EBF2: variants seen among roughly 807,000 people sequenced by gnomAD.
EBF2 encodes transcription factor COE2.
A neutral mutation model predicts 72.8 loss-of-function variants in EBF2; 21 were observed. The observed-to-expected ratio is 0.29, with a 90% CI of 0.20 to 0.42. The LOEUF is 0.42. Among genes scored for constraint, EBF2 ranks in the 10% least tolerant of loss-of-function variants. EBF2 has a pLI of 1.00. For missense variants in EBF2, 637 were observed against 731.2 expected, an observed-to-expected ratio of 0.87 and a Z score of 1.49; for synonymous variants, 299 against 274.2, an observed-to-expected ratio of 1.09 and a Z score of -0.89.
intron 10 of EBF2, among the ~76,000 whole-genome samples, chr8:25,878,883 C>A (rs1680625365): frequency 6.6e-6 from 1 of 152,166 alleles, no homozygotes; most frequent in Non-Finnish European, 1.5e-5. Context: ...CTGGAAGAAG[C>A]ACCACCAACT....
rs544154372 is a variant in EBF2 at position 25,971,420 on chromosome 8, C to T, written c.551+61665G>A. On this transcript the variant is annotated intron_variant, in intron 6 of 15. Transcript: ENST00000520164. ...GGTGGCAGCGGGAACAAGAGGGAAA[C>T]ACTACAGTGTGACTGGATTCCAGAC... Among the ~76,000 whole-genome samples, 11 of 152,244 alleles carry T rather than the reference C, an allele frequency of 7.2e-5. No individual in the cohort carries two copies. In the South Asian group the frequency reaches 2.3e-3, roughly 32 times the overall value.
intron 6 of EBF2, among the ~76,000 whole-genome samples, chr8:25,938,056 T>G (rs1218437761): frequency 6.6e-6 from 1 of 152,088 alleles, no homozygotes; most frequent in Admixed American, 6.6e-5. Context: ...GATTCAGAAT[T>G]CGGAATAGTT....
chr8:25,904,688 C>T (rs2117309342), intron 7 of EBF2, among the ~76,000 whole-genome samples: 1 of 152,256 alleles, frequency 6.6e-6, no homozygotes, highest in Middle Eastern at 3.4e-3. Flanking sequence ...ACTGTCCTAC[C>T]ACCATGAGTA....
chr8:25,850,129 T>C (rs1275249101), intron 15 of EBF2, among the ~76,000 whole-genome samples: 2 of 152,214 alleles, frequency 1.3e-5, no homozygotes, highest in African/African-American at 4.8e-5. Flanking sequence ...GATTATTTTT[T>C]GAGATGGAGT....
intron 6 of EBF2, among the ~76,000 whole-genome samples, chr8:25,992,358 GC>G (rs1428354365): frequency 3.5e-5 from 3 of 85,614 alleles, no homozygotes; most frequent in Non-Finnish European, 7.8e-5. Flanking sequence ...AAAAAAAAAA[GC>G]AAAAGGCAGT....
chr8:25,944,495 G>A (rs1224032310), intron 6 of EBF2, among the ~76,000 whole-genome samples: 1 of 151,406 alleles, frequency 6.6e-6, no homozygotes, highest in Non-Finnish European at 1.5e-5. Flanking sequence ...CTACATGGTA[G>A]GCATTCAAAT....
chr8:25,920,939 T>C (rs1289281694), intron 6 of EBF2, among the ~76,000 whole-genome samples: 1 of 152,018 alleles, frequency 6.6e-6, no homozygotes, highest in Non-Finnish European at 1.5e-5. Flanking sequence ...AGCAGTAAAT[T>C]GGGAAGAAGG....
chr8:25,982,492 A>T lies in EBF2; in HGVS notation c.551+50593T>A, dbSNP rs1413434853. 2.6e-5 allele frequency among the ~76,000 whole-genome samples: 4 copies of T among 152,326 alleles called. No homozygotes were observed. In the South Asian group the frequency reaches 8.3e-4, roughly 32 times the overall value. On this transcript the variant is annotated intron_variant, in intron 6 of 15. Transcript: ENST00000520164. ...AAAAAGTAAGTGGTCATGGGGAGTG[A>T]AAGGTGAAACTCAGATCATTCCCAG...
intron 6 of EBF2, among the ~76,000 whole-genome samples, chr8:25,943,311 C>CAAAAAAAAAAAAAAAAAAA (rs71551840): frequency 1.7e-5 from 1 of 59,156 alleles, no homozygotes; most frequent in Non-Finnish European, 4.1e-5. Context: ...TGTCTCTACA[C>CAAAAAAAAAAAAAAAAAAA]AAAAAAAAAA....
At chr8:25,972,567 A>T (rs1437232299) in intron 6 of EBF2, among the ~76,000 whole-genome samples, 14 of 152,194 alleles carry the variant, frequency 9.2e-5, no homozygotes. Flanking sequence ...ATAGACTGTC[A>T]GAGCAAAAAA....
chr8:25,926,863 A>G (rs1183222142), intron 6 of EBF2, among the ~76,000 whole-genome samples: 1 of 152,212 alleles, frequency 6.6e-6, no homozygotes, highest in Non-Finnish European at 1.5e-5. Context: ...AGGATCTCCA[A>G]CAGATCAGAT....
intron 5 of EBF2, among the ~76,000 whole-genome samples, chr8:26,039,342 C>A (rs1805561537): frequency 6.6e-6 from 1 of 152,158 alleles, no homozygotes; most frequent in Non-Finnish European, 1.5e-5. Flanking sequence ...GTAGACTGAA[C>A]CTTTCACGAC....
chr8:25,961,423 G>A (rs1489517880), intron 6 of EBF2, among the ~76,000 whole-genome samples: 1 of 152,136 alleles, frequency 6.6e-6, no homozygotes, highest in Non-Finnish European at 1.5e-5. Flanking sequence ...GAGTGCAGTG[G>A]CGCGATCTTG....
intron 6 of EBF2, among the ~76,000 whole-genome samples, chr8:25,969,845 C>A (rs1206710066): frequency 2.0e-5 from 3 of 152,168 alleles, no homozygotes; most frequent in Admixed American, 6.5e-5. Context: ...ACTGAGACTA[C>A]AGGCACATGC....
At chr8:25,998,394 C>T (rs921618047) in intron 6 of EBF2, among the ~76,000 whole-genome samples, 3 of 152,088 alleles carry the variant, frequency 2.0e-5, no homozygotes, top group Non-Finnish European at 4.4e-5. Context: ...CTTTCTCGCA[C>T]TATTTCAAGC....
At chr8:25,986,401 A>G (rs1356422574) in intron 6 of EBF2, among the ~76,000 whole-genome samples, 1 of 152,120 alleles carries the variant, frequency 6.6e-6, no homozygotes, top group Non-Finnish European at 1.5e-5. Flanking sequence ...TGACTTTCGA[A>G]TTGCTGTTAA....
At chr8:26,041,918 C>A (rs545746075) in intron 2 of EBF2, among the ~76,000 whole-genome samples, 177 bp downstream of exon 2, 1 of 152,006 alleles carries the variant, frequency 6.6e-6, no homozygotes, top group South Asian at 2.1e-4. Flanking sequence ...TTGGGGGAGT[C>A]GGGGTGGGAG....
chr8:26,016,540 AG>A (rs1805114207), intron 6 of EBF2, among the ~76,000 whole-genome samples: 1 of 152,222 alleles, frequency 6.6e-6, no homozygotes, highest in African/African-American at 2.4e-5. Context: ...CAAAGTGCAG[AG>A]GAGGGCCTGA....
chr8:25,907,717 C>T (rs1803060883), intron 7 of EBF2, among the ~76,000 whole-genome samples: 1 of 152,084 alleles, frequency 6.6e-6, no homozygotes, highest in African/African-American at 2.4e-5. Context: ...AGCTTGCATA[C>T]TATCGTTTAA....
Sources: gnomAD v4.1 joint callset for allele counts (sites outside exome capture counted in the v4.1 genomes callset) on GRCh38, gnomAD v4.1.1 for gene constraint, MANE v1.5 for transcripts, NCBI Gene and HGNC (gene_info 2026-07-23, HGNC 2026-07-21) for gene names.